USH2A: variants seen among roughly 807,000 people sequenced by gnomAD.
The protein encoded by USH2A is usherin, also known as Usher syndrome 2A (autosomal recessive, mild).
In USH2A, 443 loss-of-function variants were observed where a neutral mutation model predicts 538.9. The observed-to-expected ratio is 0.82, with a 90% confidence interval of 0.76 to 0.89. The LOEUF (loss-of-function observed/expected upper bound fraction) is 0.89. Ranked by LOEUF, USH2A falls within the 40% of genes least tolerant of loss-of-function variation. The pLI is 0.00. For synonymous variants in USH2A, 2,413 were observed against 2,273.5 expected, an observed-to-expected ratio of 1.06 and a Z score of -1.75; for missense variants, 6,633 against 6,324.8, an observed-to-expected ratio of 1.05 and a Z score of -1.65.
In USH2A at chr1:216,042,620, G is replaced by A. The variant is rs759588774; in HGVS notation, c.6325+3811C>T. On this transcript the variant is annotated intron_variant, in intron 32 of 71. Transcript: ENST00000307340. ...GTAGATAGATACATGTTATGGTGTA[G>A]ACTTAAACTGCCCATAGAAGCTAAA... is the stretch of plus-strand genomic sequence containing the variant. Among the ~76,000 whole-genome samples, 4 of 152,138 alleles carry A rather than the reference G, an allele frequency of 2.6e-5. No homozygotes were observed. In the South Asian group the frequency reaches 8.3e-4, roughly 32 times the overall value.
intron 21 of USH2A, among the ~76,000 whole-genome samples, chr1:216,102,916 C>G (rs533816861): frequency 1.3e-5 from 2 of 152,278 alleles, no homozygotes; most frequent in South Asian, 4.1e-4. Flanking sequence ...ACAAGATATA[C>G]AAGTATGTTT....
chr1:216,242,770 G>A (rs1451263594), intron 13 of USH2A, among the ~76,000 whole-genome samples: 2 of 152,042 alleles, frequency 1.3e-5, no homozygotes, highest in Non-Finnish European at 2.9e-5. Flanking sequence ...TGGTAACCTC[G>A]ATAATATCTT....
At chr1:216,167,211 G>A (rs920576582) in intron 21 of USH2A, among the ~76,000 whole-genome samples, 1 of 151,968 alleles carries the variant, frequency 6.6e-6, no homozygotes, top group Non-Finnish European at 1.5e-5. Context: ...TAGACTATGG[G>A]CAGGGTCAGA....
intron 32 of USH2A, among the ~76,000 whole-genome samples, chr1:216,022,963 C>T (rs1668874822): frequency 6.6e-6 from 1 of 152,216 alleles, no homozygotes; most frequent in Non-Finnish European, 1.5e-5. Flanking sequence ...AACCGTGGCA[C>T]TTAGCCAATT....
intron 30 of USH2A, among the ~76,000 whole-genome samples, chr1:216,055,049 T>C (rs150283309): frequency 2.2e-4 from 33 of 152,324 alleles, no homozygotes; most frequent in Non-Finnish European, 4.0e-4. Flanking sequence ...GCATTTGGGA[T>C]AACATGGAGA....
chr1:215,706,851 G>A (rs975082984), intron 61 of USH2A, among the ~76,000 whole-genome samples: 7 of 152,146 alleles, frequency 4.6e-5, no homozygotes, highest in African/African-American at 1.7e-4. Context: ...AAATCCTCTA[G>A]TTTTAGATTA....
chr1:216,267,092 C>T (rs1314305320), intron 11 of USH2A, among the ~76,000 whole-genome samples: 1 of 151,940 alleles, frequency 6.6e-6, no homozygotes, highest in Non-Finnish European at 1.5e-5. Context: ...AGTTCCAGAG[C>T]ACTCCAACAA....
intron 4 of USH2A, among the ~76,000 whole-genome samples, chr1:216,353,812 C>T (rs1430797746): frequency 6.6e-6 from 1 of 152,050 alleles, no homozygotes; most frequent in Non-Finnish European, 1.5e-5. Context: ...GCCAGATAAG[C>T]CCTAAAGTCA....
intron 62 of USH2A, among the ~76,000 whole-genome samples, chr1:215,678,178 A>G (rs756800436): frequency 6.6e-6 from 1 of 152,146 alleles, no homozygotes; most frequent in Non-Finnish European, 1.5e-5. Context: ...TATATAGTCC[A>G]TTTTCCACAG....
intron 38 of USH2A, among the ~76,000 whole-genome samples, chr1:215,911,374 G>A (rs1472417629): frequency 6.6e-6 from 1 of 151,680 alleles, no homozygotes; most frequent in African/African-American, 2.4e-5. Flanking sequence ...CCCAGCCTCT[G>A]GTAACCATCC....
intron 44 of USH2A, among the ~76,000 whole-genome samples, chr1:215,851,221 A>G (rs1664007670): frequency 6.6e-6 from 1 of 152,196 alleles, no homozygotes; most frequent in Non-Finnish European, 1.5e-5. Flanking sequence ...CAATTGAAAC[A>G]AACAACCAAA....
chr1:215,808,028 G>C lies in USH2A; in HGVS notation c.9739+5708C>G, dbSNP rs557066134. On this transcript the variant is annotated intron_variant, in intron 49 of 71. Coordinates refer to ENST00000307340, the MANE Select transcript of USH2A (RefSeq NM_206933.4). ...AAACAACTAAGAGGTGAAAGAAATG[G>C]GATATGGAGCCAGGCAGTTTGACTC... is the stretch of plus-strand genomic sequence containing the variant. Among the ~76,000 whole-genome samples, 16 of 152,068 alleles carry C rather than the reference G, an allele frequency of 1.1e-4. No homozygotes were observed. In the South Asian group the frequency reaches 2.9e-3, roughly 28 times the overall value.
chr1:215,661,781 C>G (rs1215938771), intron 64 of USH2A, among the ~76,000 whole-genome samples: 9 of 152,082 alleles, frequency 5.9e-5, no homozygotes, highest in Non-Finnish European at 1.0e-4. Flanking sequence ...TATCAAGGTG[C>G]CACCTGTCCT....
intron 4 of USH2A, among the ~76,000 whole-genome samples, chr1:216,340,979 T>A (rs2038066074): frequency 6.6e-6 from 1 of 152,160 alleles, no homozygotes. Flanking sequence ...AAGATAGTAT[T>A]GGAAGTTCTG....
intron 34 of USH2A, among the ~76,000 whole-genome samples, chr1:215,994,034 A>G (rs1668075091): frequency 6.6e-6 from 1 of 152,170 alleles, no homozygotes; most frequent in African/African-American, 2.4e-5. Context: ...AATATTAGTA[A>G]TTATATCCTT....
At position 215,681,763 on chromosome 1, in the gene USH2A, GT is replaced by G. The variant is rs1284900426; in HGVS notation, c.12067-1388del. Among the ~76,000 whole-genome samples the G allele has an allele frequency of 9.2e-5, 14 of 152,186 alleles. 1 individual carries two copies. In the Middle Eastern group the frequency reaches 0.017, roughly 185 times the overall value. Reference sequence around the variant, plus strand: ...GTATATTTTAACTGTGTTATTTCTTGTTATGTGTTAAACATAGGCAGAGAAA... The same window carrying G: ...GTATATTTTAACTGTGTTATTTCTTGTATGTGTTAAACATAGGCAGAGAAA... On this transcript the variant is annotated intron_variant, in intron 61 of 71. Coordinates refer to ENST00000307340, the MANE Select transcript of USH2A (RefSeq NM_206933.4).
Position 215,671,267 on chromosome 1 carries a change from G to A in USH2A, c.13838C>T (p.Thr4613Ile), listed in dbSNP as rs1657807122. Residue 4613 changes from threonine (T) to isoleucine (I), a missense_variant, in exon 64 of 72, where the codon ACC (threonine) becomes ATC (isoleucine). Physicochemically the swap from Thr to Ile is moderately conservative, Grantham distance 89 (BLOSUM62 -1). Transcript: ENST00000307340. ...GTCACTTGATGCACATCCCAGGGTG[G>A]TGCACGCTTGAATTCGTATTTCATA... ...HRYEIRIQACTTLGCASSDWT... is the reference protein window; with the variant it reads ...HRYEIRIQACITLGCASSDWT... 6.2e-6 allele frequency: 10 copies of A among 1,613,990 alleles called. No homozygotes were observed. The highest frequency in any genetic ancestry group is 7.6e-6 in the Non-Finnish European group (9 of 1,179,990).
At chr1:216,313,752 CT>C (rs2037462141) in intron 9 of USH2A, among the ~76,000 whole-genome samples, 1 of 92,858 alleles carries the variant, frequency 1.1e-5, no homozygotes, top group Non-Finnish European at 2.9e-5. Context: ...AAAATGCATT[CT>C]TTCTTTCTTG....
chr1:215,912,405 T>C (rs1466388518), intron 38 of USH2A, among the ~76,000 whole-genome samples: 2 of 150,196 alleles, frequency 1.3e-5, no homozygotes, highest in African/African-American at 4.9e-5. Context: ...CTAATTTTAT[T>C]CTTTAAAAAA....
Sources: gnomAD v4.1 joint callset for allele counts (sites outside exome capture counted in the v4.1 genomes callset) on GRCh38, gnomAD v4.1.1 for gene constraint, MANE v1.5 for transcripts, NCBI Gene and HGNC (gene_info 2026-07-23, HGNC 2026-07-21) for gene names.